GALK2: variants seen among roughly 807,000 people sequenced by gnomAD.
GALK2 encodes galactokinase 2, also known as N-acetylgalactosamine kinase.
In GALK2, 36 loss-of-function variants were observed where a neutral mutation model predicts 52.4. The observed-to-expected ratio is 0.69, with a 90% CI of 0.53 to 0.91. GALK2 has a LOEUF of 0.91. Among genes scored for constraint, GALK2 ranks in the 40% least tolerant of loss-of-function variants. GALK2 has a pLI of 0.00. For missense variants in GALK2, 579 were observed against 559.1 expected (o/e 1.04, Z -0.36); for synonymous variants, 176 against 199.1 (o/e 0.88, Z 0.98).
chr15:49,251,771 G>A (rs139289143), intron 5 of GALK2, among the ~76,000 whole-genome samples: 2,580 of 152,158 alleles, frequency 0.017, 35 homozygotes, highest in Middle Eastern at 0.031. Context: ...AAATTATTAA[G>A]CTTTATTTTT....
At chr15:49,335,467 A>G (rs1596255506), downstream of GALK2, 1 of 1,613,600 alleles carries the variant, frequency 6.2e-7, no homozygotes, top group South Asian at 1.1e-5. Flanking sequence ...TGCCTCCTTT[A>G]TAACATCACG....
chr15:49,277,010 C>T (rs1286908967), intron 5 of GALK2, among the ~76,000 whole-genome samples: 6 of 141,716 alleles, frequency 4.2e-5, no homozygotes, highest in African/African-American at 7.8e-5. Flanking sequence ...CGCTCTGTCC[C>T]GCCTGCAGGC....
intron 9 of GALK2, among the ~76,000 whole-genome samples, chr15:49,324,546 A>G (rs1401284631): frequency 6.6e-6 from 1 of 152,172 alleles, no homozygotes; most frequent in Non-Finnish European, 1.5e-5. Context: ...TTACATTTCT[A>G]AAGTAGACAT....
intron 7 of GALK2, among the ~76,000 whole-genome samples, chr15:49,291,583 A>G (rs563699292): frequency 6.6e-6 from 1 of 152,298 alleles, no homozygotes; most frequent in Non-Finnish European, 1.5e-5. Flanking sequence ...TTTGATTGCC[A>G]CCTACTCTGA....
chr15:49,323,867 AAAATT>A (rs1037047746), intron 9 of GALK2, among the ~76,000 whole-genome samples: 70 of 152,206 alleles, frequency 4.6e-4, no homozygotes, highest in African/African-American at 1.4e-3. Flanking sequence ...GCTTTTTTAA[AAAATT>A]AAATTAATGT....
At chr15:49,213,678 T>G (rs1251677547) in intron 2 of GALK2, among the ~76,000 whole-genome samples, 1 of 152,236 alleles carries the variant, frequency 6.6e-6, no homozygotes, top group Non-Finnish European at 1.5e-5. Context: ...TCCATTTATA[T>G]TCGATGTTAT....
chr15:49,176,561 C>T (rs1405223420), intron 1 of GALK2, among the ~76,000 whole-genome samples: 1 of 151,924 alleles, frequency 6.6e-6, no homozygotes, highest in Non-Finnish European at 1.5e-5. Context: ...ACATTTGTTT[C>T]TTATTTGGAT....
At chr15:49,288,015 T>C (rs765965441) in intron 7 of GALK2, among the ~76,000 whole-genome samples, 26 of 152,230 alleles carry the variant, frequency 1.7e-4, no homozygotes, top group Non-Finnish European at 2.8e-4. Flanking sequence ...AGTCAGAGCC[T>C]TGTAGAGCAT....
chr15:49,343,294 TC>T (rs1024894223), intron 3 of GALK2, among the ~76,000 whole-genome samples: 37 of 152,166 alleles, frequency 2.4e-4, no homozygotes, highest in African/African-American at 8.4e-4. Flanking sequence ...TGAGGTTTTT[TC>T]TTCTGCTTGG....
chr15:49,169,903 A>G (rs1431730553), upstream of GALK2: 2 of 158,612 alleles, frequency 1.3e-5, no homozygotes, highest in Non-Finnish European at 2.8e-5. Context: ...CTAAAAAACA[A>G]ACAAACAAAC....
chr15:49,191,863 T>A (rs972004417), intron 1 of GALK2, among the ~76,000 whole-genome samples: 1 of 4,030 alleles, frequency 2.5e-4, no homozygotes, highest in Non-Finnish European at 0.083. Flanking sequence ...ATTTTCTGTG[T>A]TTTTTTTTTC....
At chr15:49,231,110 A>C (rs1187188712) in intron 3 of GALK2, among the ~76,000 whole-genome samples, 2 of 152,154 alleles carry the variant, frequency 1.3e-5, no homozygotes, top group Admixed American at 1.3e-4. Flanking sequence ...GAAATACCTG[A>C]GACTGGGTAA....
intron 1 of GALK2, among the ~76,000 whole-genome samples, chr15:49,194,599 CTTT>C (rs1169116832): frequency 7.2e-6 from 1 of 138,922 alleles, no homozygotes. Flanking sequence ...TTTTTCTTTT[CTTT>C]TTTTTTTTTT....
At chr15:49,163,969 CTG>C (rs1165508776) in intron 1 of GALK2, among the ~76,000 whole-genome samples, 2 of 151,972 alleles carry the variant, frequency 1.3e-5, no homozygotes, top group Admixed American at 6.6e-5. Context: ...AGACTGAACA[CTG>C]TGTGTTAGAA....
At chr15:49,200,370 T>C (rs2087634734) in intron 1 of GALK2, among the ~76,000 whole-genome samples, 1 of 152,196 alleles carries the variant, frequency 6.6e-6, no homozygotes, top group Non-Finnish European at 1.5e-5. Context: ...AGTTAGACAG[T>C]ATAACCCCCC....
At chr15:49,304,921 G>A (rs747981141) in intron 8 of GALK2, among the ~76,000 whole-genome samples, 9 of 152,170 alleles carry the variant, frequency 5.9e-5, no homozygotes, top group Non-Finnish European at 1.0e-4. Context: ...ATGATCTGGT[G>A]AAAGCTTACT....
rs146101547 is a variant in GALK2, at chr15:49,267,278, A to T, written c.505-14709A>T. On this transcript the variant is annotated intron_variant, in intron 5 of 9. Coordinates refer to ENST00000560031, the MANE Select transcript of GALK2 (RefSeq NM_002044.4). The stretch of plus-strand genomic sequence containing the variant: ...ATTCCAGCTAACCTGACCTAAAAGG[A>T]TTCTTGCTGAATGCAGGCCAAGGTG... Among the ~76,000 whole-genome samples the T allele has an allele frequency of 3.9e-3, 587 of 152,300 alleles. 3 individuals carry two copies. The highest frequency in any genetic ancestry group is 0.014 in the African/African-American group (562 of 41,570).
intron 4 of GALK2, among the ~76,000 whole-genome samples, chr15:49,237,490 T>A (rs1007259098): frequency 3.9e-5 from 6 of 152,140 alleles, no homozygotes; most frequent in African/African-American, 1.4e-4. Flanking sequence ...TTGTTTTTGT[T>A]TTTTGAGACG....
At chr15:49,247,557 C>G (rs1036754329) in intron 5 of GALK2, among the ~76,000 whole-genome samples, 1 of 152,142 alleles carries the variant, frequency 6.6e-6, no homozygotes, top group Non-Finnish European at 1.5e-5. Flanking sequence ...CTATCTCATA[C>G]AAAGTGTAAG....
Sources: allele counts gnomAD v4.1 joint callset (sites outside exome capture counted in the v4.1 genomes callset), GRCh38; gene constraint gnomAD v4.1.1; transcripts MANE v1.5; gene names NCBI Gene and HGNC (gene_info 2026-07-23, HGNC 2026-07-21).